AMPH: variants seen among roughly 807,000 people sequenced by gnomAD.
AMPH encodes the protein amphiphysin, also known as amphiphysin (Stiff-Mann syndrome with breast cancer 128kD autoantigen).
Under a neutral mutation model 99.1 loss-of-function variants are expected in AMPH, and 49 were observed. The observed-to-expected ratio is 0.49, with a 90% CI of 0.39 to 0.63. The LOEUF is 0.63. AMPH is among the 20% of genes least tolerant of loss of function. AMPH has a pLI of 0.00. For missense variants in AMPH, 759 were observed against 863.4 expected, an observed-to-expected ratio of 0.88 and a Z score of 1.52; for synonymous variants, 314 against 317.3, an observed-to-expected ratio of 0.99 and a Z score of 0.11.
At chr7:38,454,478 T>G (rs1288916998) in intron 11 of AMPH, among the ~76,000 whole-genome samples, 1 of 151,828 alleles carries the variant, frequency 6.6e-6, no homozygotes, top group East Asian at 1.9e-4. Context: ...AAAAAAGAGA[T>G]AGTTTCAGTG....
chr7:38,390,032 C>A, intron 19 of AMPH, 127 bp from the exon 20 acceptor site: 1 of 697,792 alleles, frequency 1.4e-6, no homozygotes, highest in South Asian at 1.8e-5. Flanking sequence ...AGGAAGAAGG[C>A]CTCTAAAGCC....
At chr7:38,486,251 G>T (rs1466128160) in intron 5 of AMPH, among the ~76,000 whole-genome samples, 1 of 150,796 alleles carries the variant, frequency 6.6e-6, no homozygotes, top group Non-Finnish European at 1.5e-5. Flanking sequence ...GAAATGAAAG[G>T]TGATATATTA....
intron 1 of AMPH, among the ~76,000 whole-genome samples, chr7:38,562,763 A>G (rs1188069595): frequency 3.9e-5 from 6 of 152,250 alleles, no homozygotes; most frequent in African/African-American, 1.2e-4. Context: ...ATGTGCCATT[A>G]TTAAGAATAT....
At chr7:38,445,503 T>C (rs978765371) in intron 11 of AMPH, among the ~76,000 whole-genome samples, 1 of 152,116 alleles carries the variant, frequency 6.6e-6, no homozygotes, top group Non-Finnish European at 1.5e-5. Context: ...GAGACAGTAT[T>C]TGCAAATCTT....
chr7:38,501,601 T>C (rs756145173), intron 3 of AMPH, among the ~76,000 whole-genome samples: 21 of 152,310 alleles, frequency 1.4e-4, no homozygotes, highest in Non-Finnish European at 2.4e-4. Flanking sequence ...TATCTTTTAG[T>C]TTAAAAATCA....
chr7:38,409,287 T>C (rs1266476122), intron 17 of AMPH, among the ~76,000 whole-genome samples: 2 of 152,196 alleles, frequency 1.3e-5, no homozygotes, highest in Non-Finnish European at 2.9e-5. Context: ...CTGAAGTTCC[T>C]TGGCATTTTA....
intron 4 of AMPH, 104 bp from the exon 5 acceptor site, chr7:38,491,249 C>T: frequency 1.3e-6 from 1 of 767,880 alleles, no homozygotes; most frequent in African/African-American, 1.8e-5. Flanking sequence ...TAATACTTTC[C>T]CAGATATGAG....
intron 1 of AMPH, among the ~76,000 whole-genome samples, chr7:38,599,010 G>A (rs1473541081): frequency 1.3e-5 from 2 of 152,166 alleles, no homozygotes; most frequent in East Asian, 1.9e-4. Context: ...AGTGTGTAAC[G>A]TGCTCAATGT....
chr7:38,573,152 G>T (rs1792112122), intron 1 of AMPH, among the ~76,000 whole-genome samples: 1 of 152,158 alleles, frequency 6.6e-6, no homozygotes, highest in South Asian at 2.1e-4. Context: ...CCTCCCTGAT[G>T]TAATTACAAA....
chr7:38,463,211 G>C (rs1435731987), intron 9 of AMPH, 98 bp from the exon 10 acceptor site: 1 of 1,522,932 alleles, frequency 6.6e-7, no homozygotes, highest in East Asian at 2.3e-5. Context: ...AGCCTAACAG[G>C]TACTGTCTGT....
At chr7:38,588,666 T>C (rs1188040374) in intron 1 of AMPH, among the ~76,000 whole-genome samples, 3 of 152,010 alleles carry the variant, frequency 2.0e-5, no homozygotes, top group African/African-American at 4.8e-5. Context: ...TCTCCAATTA[T>C]GGGGCACCAT....
intron 1 of AMPH, among the ~76,000 whole-genome samples, chr7:38,588,763 T>G (rs957952443): frequency 1.3e-5 from 2 of 152,204 alleles, no homozygotes; most frequent in Non-Finnish European, 2.9e-5. Context: ...CTATTAGAAC[T>G]GGCTTTGATT....
chr7:38,542,266 T>C (rs1040449302), intron 1 of AMPH, among the ~76,000 whole-genome samples: 4 of 152,174 alleles, frequency 2.6e-5, no homozygotes, highest in Admixed American at 6.5e-5. Context: ...CCAGTGGAAG[T>C]CTGCTAAAGC....
At chr7:38,545,019 T>C (rs1790942170) in intron 1 of AMPH, among the ~76,000 whole-genome samples, 1 of 152,220 alleles carries the variant, frequency 6.6e-6, no homozygotes, top group South Asian at 2.1e-4. Context: ...TATGGAAACA[T>C]CTGTGCTTAG....
intron 2 of AMPH, among the ~76,000 whole-genome samples, chr7:38,519,328 G>A (rs1033920658): frequency 5.3e-5 from 8 of 152,102 alleles, no homozygotes; most frequent in Admixed American, 6.5e-5. Context: ...AGAATACTGC[G>A]CAATTATTGA....
intron 17 of AMPH, among the ~76,000 whole-genome samples, chr7:38,411,947 A>C (rs988502426): frequency 2.0e-5 from 3 of 152,238 alleles, no homozygotes; most frequent in Non-Finnish European, 2.9e-5. Flanking sequence ...CTCTAGATTT[A>C]GTATGTGACA....
chr7:38,572,148 G>A (rs189582712), intron 1 of AMPH, among the ~76,000 whole-genome samples: 22 of 151,952 alleles, frequency 1.4e-4, no homozygotes, highest in African/African-American at 3.1e-4. Flanking sequence ...CAGGTGATCC[G>A]CCCACTTCAG....
intron 1 of AMPH, among the ~76,000 whole-genome samples, chr7:38,582,048 A>G (rs1226316225): frequency 6.6e-6 from 1 of 152,176 alleles, no homozygotes; most frequent in Non-Finnish European, 1.5e-5. Context: ...CCTGGTATAT[A>G]AAAACATGAG....
chr7:38,605,855 C>A (rs752235767), intron 1 of AMPH, among the ~76,000 whole-genome samples: 1 of 152,136 alleles, frequency 6.6e-6, no homozygotes, highest in African/African-American at 2.4e-5. Flanking sequence ...GCATTACAGG[C>A]GTGAGCCACC....
Sources: allele counts gnomAD v4.1 joint callset (sites outside exome capture counted in the v4.1 genomes callset), GRCh38; gene constraint gnomAD v4.1.1; transcripts MANE v1.5; gene names NCBI Gene and HGNC (gene_info 2026-07-23, HGNC 2026-07-21).